The following ARHGAP5 variants were observed in gnomAD, a reference collection of about 807,000 sequenced individuals.
ARHGAP5 encodes the protein rho GTPase-activating protein 5.
In ARHGAP5, 23 loss-of-function variants were observed where a neutral mutation model predicts 116.6. The observed-to-expected ratio is 0.20, with a 90% CI of 0.14 to 0.28. The LOEUF (loss-of-function observed/expected upper bound fraction) is 0.28, where lower values mean the gene tolerates loss of function less well. Ranked by LOEUF, ARHGAP5 falls within the 10% of genes least tolerant of loss-of-function variation. The probability of loss-of-function intolerance (pLI) is 1.00; values close to 1 mark genes in which losing one functional copy is unlikely to be tolerated. For missense variants in ARHGAP5, 1,405 were observed against 1,774.8 expected (o/e 0.79, Z 3.74); for synonymous variants, 574 against 602.0 (o/e 0.95, Z 0.68).
intron 3 of ARHGAP5, among the ~76,000 whole-genome samples, chr14:32,121,765 C>T (rs1424660284): frequency 6.6e-6 from 1 of 152,296 alleles, no homozygotes; most frequent in African/African-American, 2.4e-5. Flanking sequence ...TCCCCACTCT[C>T]ACCCCCCCAT....
chr14:32,079,211 ATTGAT>A (rs2041746886), intron 1 of ARHGAP5, among the ~76,000 whole-genome samples: 1 of 152,166 alleles, frequency 6.6e-6, no homozygotes, highest in African/African-American at 2.4e-5. Flanking sequence ...TTAAATAACT[ATTGAT>A]TTGGTTGTCT....
At position 32,082,001 on chromosome 14, in the gene ARHGAP5, A is replaced by ATC. The variant is rs527752526; in HGVS notation, c.-169+4566_-169+4567insTC. Reference sequence around the variant, plus strand: ...TGAAACTGTTCCCCCTCAGATCATCAGGCATTAATTAGTTAGATTCACAAA... The same window carrying ATC: ...TGAAACTGTTCCCCCTCAGATCATCATCGGCATTAATTAGTTAGATTCACAAA... On this transcript the variant is annotated intron_variant, in intron 1 of 6. Coordinates refer to ENST00000345122, the MANE Select transcript of ARHGAP5 (RefSeq NM_001030055.2). Among the ~76,000 whole-genome samples the ATC allele has an allele frequency of 4.6e-5, 7 of 152,264 alleles. No individual in the cohort carries two copies. The East Asian group carries it at 1.4e-3, about 29-fold the overall frequency.
chr14:32,152,719 A>G (rs1881699217), intron 6 of ARHGAP5, among the ~76,000 whole-genome samples, 191 bp downstream of exon 6: 1 of 152,224 alleles, frequency 6.6e-6, no homozygotes, highest in African/African-American at 2.4e-5. Context: ...TTATATAAAT[A>G]GTAAGTGTGG....
chr14:32,115,363 A>C (rs903096552), intron 2 of ARHGAP5, among the ~76,000 whole-genome samples: 2 of 152,162 alleles, frequency 1.3e-5, no homozygotes, highest in Non-Finnish European at 2.9e-5. Flanking sequence ...ATGTTATCCT[A>C]ACATTTAAGT....
intron 3 of ARHGAP5, among the ~76,000 whole-genome samples, chr14:32,118,303 C>T (rs866644257): frequency 9.9e-5 from 15 of 151,960 alleles, no homozygotes; most frequent in African/African-American, 2.7e-4. Flanking sequence ...TCAAGACCAT[C>T]CTGGCCAACA....
At chr14:32,095,768 A>G (rs1878497944) in intron 2 of ARHGAP5, among the ~76,000 whole-genome samples, 1 of 152,150 alleles carries the variant, frequency 6.6e-6, no homozygotes. Context: ...TCAACTCATA[A>G]CATGCTACTC....
intron 3 of ARHGAP5, among the ~76,000 whole-genome samples, chr14:32,131,942 C>G (rs1370311087): frequency 6.6e-6 from 1 of 152,164 alleles, no homozygotes; most frequent in Non-Finnish European, 1.5e-5. Flanking sequence ...GCATAGTATT[C>G]CATGGTGTAT....
Position 32,154,619 on chromosome 14 carries a change from A to G in ARHGAP5, c.4182-2A>G. On this transcript the variant is annotated splice_acceptor_variant, in intron 6 of 6. Transcript: ENST00000345122. LOFTEE classifies it high-confidence loss of function. ...AAATGTTTTTTCCTTTCATAATTTCAGGGTTAGTCAGCAACATAAAATCAA... is the reference window on the plus strand; with the variant it reads ...AAATGTTTTTTCCTTTCATAATTTCGGGGTTAGTCAGCAACATAAAATCAA... The G allele has an allele frequency of 6.3e-7, 1 of 1,589,660 alleles. No homozygotes were observed. Among genetic ancestry groups the G allele is most frequent in the Non-Finnish European group, 8.6e-7 (1 of 1,166,292 alleles).
chr14:32,091,185 G>T lies in ARHGAP5; in HGVS notation c.516G>T (p.Lys172Asn). 1 of 1,613,406 alleles carries T rather than the reference G, an allele frequency of 6.2e-7. No individual in the cohort carries two copies. Among genetic ancestry groups the T allele is most frequent in the Non-Finnish European group, 8.5e-7 (1 of 1,179,592 alleles). Reference protein sequence around the residue: ...CIDVSQGCNRKFDDQLKFVNN... With the variant: ...CIDVSQGCNRNFDDQLKFVNN... ...ATGTAAGTCAAGGATGCAATAGGAAGTTTGATGATCAACTTAAATTTGTGA... is the reference window on the plus strand; with the variant it reads ...ATGTAAGTCAAGGATGCAATAGGAATTTTGATGATCAACTTAAATTTGTGA... The change falls in exon 2 of 7, where the codon AAG (lysine) becomes AAT (asparagine). Residue 172 changes from lysine (K) to asparagine (N), a missense_variant. Coordinates refer to ENST00000345122, the MANE Select transcript of ARHGAP5 (RefSeq NM_001030055.2).
intron 3 of ARHGAP5, among the ~76,000 whole-genome samples, chr14:32,131,889 T>C (rs896134454): frequency 6.6e-6 from 1 of 152,288 alleles, no homozygotes; most frequent in South Asian, 2.1e-4. Flanking sequence ...CCAGTTTCAT[T>C]GATGTCCCTA....
rs186821178 is a variant in ARHGAP5, at chr14:32,096,509, G to A, written c.3717+2123G>A. On this transcript the variant is annotated intron_variant, in intron 2 of 6. Transcript: ENST00000345122. ...GAATAAAAAGGAGAACATAATTACA[G>A]ATAGATCAGATTAAAAGATAATAGA... is the stretch of plus-strand genomic sequence containing the variant. Among the ~76,000 whole-genome samples, 355 of 152,256 alleles carry A rather than the reference G, an allele frequency of 2.3e-3. 3 individuals carry two copies. The highest frequency in any genetic ancestry group is 8.1e-3 in the African/African-American group (336 of 41,550).
At chr14:32,125,756 G>A (rs544801112) in intron 3 of ARHGAP5, among the ~76,000 whole-genome samples, 2 of 152,192 alleles carry the variant, frequency 1.3e-5, no homozygotes, top group South Asian at 4.2e-4. Context: ...TTAAGTCTTC[G>A]AATCCATGAA....
At position 32,090,661 on chromosome 14, in the gene ARHGAP5, A is replaced by G. The variant is rs1436648036; in HGVS notation, c.-9A>G. ...ACCTTTATGAATGTAGAGACATGAG[A>G]AGAGAGTTATGATGGCAAAAAACAA... On this transcript the variant is annotated 5_prime_UTR_variant, in exon 2 of 7. Coordinates refer to ENST00000345122, the MANE Select transcript of ARHGAP5 (RefSeq NM_001030055.2). 4 of 1,578,980 alleles carry G rather than the reference A, an allele frequency of 2.5e-6. No individual in the cohort carries two copies. Among genetic ancestry groups the G allele is most frequent in the Non-Finnish European group, 3.4e-6 (4 of 1,165,646 alleles).
chr14:32,132,778 G>C (rs866935254), intron 3 of ARHGAP5, among the ~76,000 whole-genome samples: 4 of 152,254 alleles, frequency 2.6e-5, no homozygotes, highest in South Asian at 4.1e-4. Flanking sequence ...TGTAAGGAAG[G>C]GATCCAGTTT....
intron 1 of ARHGAP5, among the ~76,000 whole-genome samples, chr14:32,087,061 A>C (rs1315489252): frequency 6.6e-6 from 1 of 152,192 alleles, no homozygotes; most frequent in African/African-American, 2.4e-5. Flanking sequence ...GTAAGCCTAC[A>C]TCAAAAATAG....
intron 3 of ARHGAP5, among the ~76,000 whole-genome samples, chr14:32,121,119 G>A (rs911216365): frequency 6.7e-6 from 1 of 149,942 alleles, no homozygotes; most frequent in African/African-American, 2.5e-5. Context: ...CCCGGCTCAG[G>A]CAATCCTCCC....
intron 1 of ARHGAP5, among the ~76,000 whole-genome samples, chr14:32,085,755 A>G (rs1337922195): frequency 6.6e-6 from 1 of 152,204 alleles, no homozygotes; most frequent in Non-Finnish European, 1.5e-5. Flanking sequence ...ATTTCTTATC[A>G]TAAATTTTGT....
chr14:32,132,567 T>G (rs991654546), intron 3 of ARHGAP5, among the ~76,000 whole-genome samples: 22 of 152,242 alleles, frequency 1.4e-4, no homozygotes, highest in African/African-American at 5.3e-4. Flanking sequence ...TTTCTTTTGC[T>G]GTGCAGAAAC....
At chr14:32,081,548 CAAAAAAA>C (rs529516365) in intron 1 of ARHGAP5, among the ~76,000 whole-genome samples, 1 of 48,892 alleles carries the variant, frequency 2.0e-5, no homozygotes, top group Admixed American at 2.1e-4. Flanking sequence ...GACTCCTTCT[CAAAAAAA>C]AAAAAAAAAA....
Sources: gnomAD v4.1 joint callset for allele counts (sites outside exome capture counted in the v4.1 genomes callset) on GRCh38, gnomAD v4.1.1 for gene constraint, MANE v1.5 for transcripts, NCBI Gene and HGNC (gene_info 2026-07-23, HGNC 2026-07-21) for gene names.